Variants in MCC observed in about 807,000 individuals in gnomAD.
The protein encoded by MCC is MCC regulator of Wnt signaling pathway, also known as colorectal mutant cancer protein.
In MCC, 90 loss-of-function variants were observed where a neutral mutation model predicts 116.2. The ratio of observed to expected loss-of-function variants is 0.77; its 90% CI spans 0.65 to 0.92. The LOEUF (loss-of-function observed/expected upper bound fraction) is 0.92. Ranked by LOEUF, MCC falls within the 40% of genes least tolerant of loss-of-function variation. The probability of loss-of-function intolerance (pLI) is 0.00; values close to 1 mark genes in which losing one functional copy is unlikely to be tolerated. For synonymous variants in MCC, 578 were observed against 510.5 expected (o/e 1.13, Z -1.78); for missense variants, 1,516 against 1,312.2 (o/e 1.16, Z -2.40).
At chr5:113,106,903 C>G (rs77319539) in intron 6 of MCC, among the ~76,000 whole-genome samples, 4,358 of 152,312 alleles carry the variant, frequency 0.029, 202 homozygotes, top group African/African-American at 0.092. Context: ...ATCTCCCCAA[C>G]AAGCTCTTCC....
At chr5:113,483,862 A>AT (rs796820453) in intron 1 of MCC, among the ~76,000 whole-genome samples, 5 of 152,272 alleles carry the variant, frequency 3.3e-5, no homozygotes, top group Admixed American at 1.3e-4. Flanking sequence ...CTACACAGTC[A>AT]TAAAAAAAAA....
intron 3 of MCC, among the ~76,000 whole-genome samples, chr5:113,313,794 C>T (rs1229658640): frequency 6.6e-6 from 1 of 151,246 alleles, no homozygotes; most frequent in Non-Finnish European, 1.5e-5. Flanking sequence ...TTCTCTCTCT[C>T]TCTGTCTGTT....
At chr5:113,308,871 G>A (rs1014658972) in intron 3 of MCC, among the ~76,000 whole-genome samples, 68 of 148,470 alleles carry the variant, frequency 4.6e-4, no homozygotes, top group Non-Finnish European at 8.1e-4. Flanking sequence ...GGAAAAGAAG[G>A]AAAGGAAGGA....
chr5:113,059,402 T>G (rs146525410), intron 14 of MCC, among the ~76,000 whole-genome samples: 1 of 152,294 alleles, frequency 6.6e-6, no homozygotes, highest in East Asian at 1.9e-4. Context: ...CACTGGCCTT[T>G]TCTCTGGCCT....
intron 3 of MCC, among the ~76,000 whole-genome samples, chr5:113,213,990 G>T (rs1763221509): frequency 6.6e-6 from 1 of 152,070 alleles, no homozygotes; most frequent in Admixed American, 6.6e-5. Flanking sequence ...CAACATGAGG[G>T]ACCCAATCAG....
At chr5:113,311,039 A>T (rs1425378372) in intron 3 of MCC, among the ~76,000 whole-genome samples, 1 of 152,224 alleles carries the variant, frequency 6.6e-6, no homozygotes, top group African/African-American at 2.4e-5. Context: ...CAGAGAAGTG[A>T]GGATCACTTG....
At chr5:113,392,285 G>A (rs1410034582) in intron 1 of MCC, among the ~76,000 whole-genome samples, 1 of 152,072 alleles carries the variant, frequency 6.6e-6, no homozygotes, top group African/African-American at 2.4e-5. Flanking sequence ...GACGTGAACA[G>A]TCAACAGAAA....
rs185094229 is a variant in MCC at position 113,079,230 on chromosome 5, C to A, written c.1784+3630G>T. Among the ~76,000 whole-genome samples the A allele has an allele frequency of 3.3e-5, 5 of 152,180 alleles. No homozygotes were observed. The East Asian group carries it at 9.6e-4, about 29-fold the overall frequency. ...CAATATTGTGAAAATGGCCATACTG[C>A]CCAAGGCAATTTATAGATTCAATGC... On this transcript the variant is annotated intron_variant, in intron 11 of 18. Coordinates refer to ENST00000408903, the MANE Select transcript of MCC (RefSeq NM_001085377.2).
intron 3 of MCC, among the ~76,000 whole-genome samples, chr5:113,197,573 A>G (rs1019063585): frequency 2.0e-5 from 3 of 152,190 alleles, no homozygotes; most frequent in African/African-American, 7.2e-5. Context: ...ATGACAGCCA[A>G]TCTCTTTAAT....
intron 3 of MCC, among the ~76,000 whole-genome samples, chr5:113,290,138 G>C (rs1319642931): frequency 6.6e-6 from 1 of 152,222 alleles, no homozygotes; most frequent in African/African-American, 2.4e-5. Context: ...TTCTTAATTA[G>C]AGCATCAACG....
At chr5:113,264,688 A>T (rs1215259296) in intron 3 of MCC, among the ~76,000 whole-genome samples, 1 of 152,228 alleles carries the variant, frequency 6.6e-6, no homozygotes, top group Non-Finnish European at 1.5e-5. Context: ...TAAAAAAATC[A>T]AAAGAAGAAT....
At chr5:113,271,016 A>G (rs1426263497) in intron 3 of MCC, among the ~76,000 whole-genome samples, 1 of 152,158 alleles carries the variant, frequency 6.6e-6, no homozygotes, top group African/African-American at 2.4e-5. Flanking sequence ...TTTTTCTATC[A>G]ATTTACCTAG....
intron 1 of MCC, among the ~76,000 whole-genome samples, chr5:113,444,348 C>A (rs1052822060): frequency 1.3e-5 from 2 of 152,050 alleles, no homozygotes; most frequent in East Asian, 3.9e-4. Flanking sequence ...ACTGTAGTAT[C>A]TATAGGGTGA....
chr5:113,419,249 C>T (rs1770247434), intron 1 of MCC, among the ~76,000 whole-genome samples: 1 of 151,608 alleles, frequency 6.6e-6, no homozygotes, highest in Non-Finnish European at 1.5e-5. Flanking sequence ...TAGCTCACTT[C>T]AGCCTTCAAC....
chr5:113,268,929 G>T (rs1208912227), intron 3 of MCC, among the ~76,000 whole-genome samples: 1 of 152,098 alleles, frequency 6.6e-6, no homozygotes. Flanking sequence ...GAATATTAAC[G>T]GTGACTGATG....
chr5:113,329,485 CACAT>C (rs1767646421), intron 3 of MCC, among the ~76,000 whole-genome samples: 2 of 134,686 alleles, frequency 1.5e-5, no homozygotes, highest in Admixed American at 1.6e-4. Context: ...CGTATACACA[CACAT>C]ATATAAACAC....
At chr5:113,318,366 A>G (rs931001149) in intron 3 of MCC, among the ~76,000 whole-genome samples, 2 of 152,154 alleles carry the variant, frequency 1.3e-5, no homozygotes, top group Non-Finnish European at 2.9e-5. Flanking sequence ...TTCATATATC[A>G]CCTTTACAAC....
intron 12 of MCC, among the ~76,000 whole-genome samples, chr5:113,069,962 G>A (rs898531445): frequency 1.3e-5 from 2 of 152,210 alleles, no homozygotes. Flanking sequence ...GGTGATACCA[G>A]CTCCTCGTTT....
chr5:113,199,379 T>C (rs1161782191), intron 3 of MCC, among the ~76,000 whole-genome samples: 1 of 152,010 alleles, frequency 6.6e-6, no homozygotes, highest in Non-Finnish European at 1.5e-5. Flanking sequence ...TAAGCTAAAT[T>C]GCCAAATCTA....
Sources: allele counts gnomAD v4.1 joint callset (sites outside exome capture counted in the v4.1 genomes callset), GRCh38; gene constraint gnomAD v4.1.1; transcripts MANE v1.5; gene names NCBI Gene and HGNC (gene_info 2026-07-23, HGNC 2026-07-21).